Variants in ABCA9 observed in about 807,000 individuals in gnomAD.
The protein encoded by ABCA9 is ATP binding cassette subfamily A member 9, also known as ATP-binding cassette sub-family A member 9.
Under a neutral mutation model 205.3 loss-of-function variants are expected in ABCA9, and 183 were observed. The ratio of observed to expected loss-of-function variants is 0.89; its 90% confidence interval spans 0.79 to 1.01. ABCA9 has a LOEUF of 1.01. Among genes scored for constraint, ABCA9 ranks in the 50% least tolerant of loss-of-function variants. The pLI is 0.00. For missense variants in ABCA9, 1,805 were observed against 1,912.4 expected (o/e 0.94, Z 1.05); for synonymous variants, 651 against 683.3 (o/e 0.95, Z 0.74).
rs547391943 is a variant in ABCA9 at position 68,985,056 on chromosome 17, T to A, written c.4281A>T (p.Arg1427=). The A allele has an allele frequency of 1.7e-5, 27 of 1,614,208 alleles. No individual in the cohort carries two copies. In the South Asian group the frequency reaches 2.9e-4, roughly 17 times the overall value. ...PVKTLSEGIK[R]KLCFVLSILG... Reference sequence around the variant, plus strand: ...CAACAACAAGCCCTGCCCGTACCTTTCGCTTTATTCCCTCTGACAAGGTCT... The same window carrying A: ...CAACAACAAGCCCTGCCCGTACCTTACGCTTTATTCCCTCTGACAAGGTCT... Residue 1427 remains arginine (R), a synonymous_variant, in exon 33 of 39, where the codon CGA becomes CGT. Transcript: ENST00000340001.
At chr17:69,058,707 C>T (rs1046010455) in intron 1 of ABCA9, among the ~76,000 whole-genome samples, 4 of 151,976 alleles carry the variant, frequency 2.6e-5, no homozygotes, top group Admixed American at 2.0e-4. Flanking sequence ...GGTGTGGTGG[C>T]GAGTGCCCGT....
chr17:69,018,646 G>A (rs190130297), intron 19 of ABCA9, 67 bp from the exon 20 acceptor site: 4 of 1,183,182 alleles, frequency 3.4e-6, no homozygotes, highest in East Asian at 2.6e-5. Flanking sequence ...TAAGTTTGAA[G>A]GTATAATGAA....
At chr17:68,978,843 A>G (rs1379435568) in intron 37 of ABCA9, among the ~76,000 whole-genome samples, 1 of 152,182 alleles carries the variant, frequency 6.6e-6, no homozygotes, top group Non-Finnish European at 1.5e-5. Flanking sequence ...CTGAATGGGC[A>G]AAAACTGGAA....
At chr17:68,994,109 C>T (rs2069542492) in intron 26 of ABCA9, among the ~76,000 whole-genome samples, 1 of 152,184 alleles carries the variant, frequency 6.6e-6, no homozygotes, top group South Asian at 2.1e-4. Context: ...CTCCAGACCT[C>T]AGGTGATTCA....
intron 1 of ABCA9, among the ~76,000 whole-genome samples, chr17:69,052,777 G>A (rs1598416073): frequency 6.6e-6 from 1 of 152,302 alleles, no homozygotes; most frequent in African/African-American, 2.4e-5. Flanking sequence ...CACTTCAGAT[G>A]CCAGTCAGAA....
At chr17:69,039,007 G>T (rs553088677) in intron 6 of ABCA9, among the ~76,000 whole-genome samples, 3 of 151,876 alleles carry the variant, frequency 2.0e-5, no homozygotes, top group African/African-American at 4.8e-5. Flanking sequence ...AACTTACAAG[G>T]GATACTAAGG....
At chr17:69,052,702 C>T (rs1035667583) in intron 1 of ABCA9, among the ~76,000 whole-genome samples, 6 of 152,180 alleles carry the variant, frequency 3.9e-5, no homozygotes, top group Admixed American at 3.9e-4. Flanking sequence ...TCAATTCTGA[C>T]ACTGTCTACT....
Position 69,033,739 on chromosome 17 carries a change from G to A in ABCA9, c.1263C>T (p.Asp421=), listed in dbSNP as rs1405895757. The A allele has an allele frequency of 6.2e-7, 1 of 1,606,490 alleles. No individual in the cohort carries two copies. The highest frequency in any genetic ancestry group is 8.5e-7 in the Non-Finnish European group (1 of 1,177,176). The change falls in exon 9 of 39, where the codon GAC becomes GAT. Residue 421 remains aspartate, a synonymous_variant. Coordinates refer to ENST00000340001, the MANE Select transcript of ABCA9 (RefSeq NM_080283.4). ...GTTAGTACTTACCGGGCAAAATTTT[G>A]TCAAAATATAATGTCAATACCAAAT... is the stretch of plus-strand genomic sequence containing the variant. ...LLYLVLTLYF[D]KILPAEYGHR... is the part of the protein sequence containing the mutation.
At chr17:69,041,273 T>G (rs142144196) in intron 6 of ABCA9, among the ~76,000 whole-genome samples, 1 of 152,318 alleles carries the variant, frequency 6.6e-6, no homozygotes, top group African/African-American at 2.4e-5. Context: ...TTAGTTCCAC[T>G]TAAATGCTGT....
intron 25 of ABCA9, among the ~76,000 whole-genome samples, chr17:68,998,274 T>C (rs956185291): frequency 4.6e-5 from 7 of 152,244 alleles, no homozygotes; most frequent in Admixed American, 2.0e-4. Context: ...CCAACTAATA[T>C]TTTTCAGTAG....
At position 69,015,972 on chromosome 17, in the gene ABCA9, TG is replaced by T. The variant is rs1259202570; in HGVS notation, c.3039+280del. On this transcript the variant is annotated intron_variant, in intron 22 of 38. Transcript: ENST00000340001. The stretch of plus-strand genomic sequence containing the variant: ...ATATTGTGTGGTCAATTCTAAATTG[TG>T]TGTGTGTGTGTGTGTGTGTGTGTTA... 1.4e-3 allele frequency among the ~76,000 whole-genome samples: 23 copies of T among 16,426 alleles called. 1 individual carries two copies. Among genetic ancestry groups the T allele is most frequent in the Admixed American group, 7.2e-3 (15 of 2,088 alleles). 10.8% of individuals were successfully genotyped at this position (16,426 alleles called of 152,430 possible). A position where few individuals can be genotyped will look rare whatever the true frequency, so the allele number is the denominator to read the frequency against.
At chr17:68,977,744 T>C (rs983434293) in intron 37 of ABCA9, among the ~76,000 whole-genome samples, 27 of 152,358 alleles carry the variant, frequency 1.8e-4, no homozygotes, top group African/African-American at 6.5e-4. Flanking sequence ...CCTGAGAATG[T>C]AACAGTGTCC....
intron 36 of ABCA9, 78 bp from the exon 37 acceptor site, chr17:68,982,719 A>C: frequency 8.3e-7 from 1 of 1,208,446 alleles, no homozygotes; most frequent in Non-Finnish European, 1.2e-6. Flanking sequence ...AAAAAGGGAA[A>C]CAAGGCTAGG....
rs138296672 is a variant in ABCA9, at chr17:68,980,397, C to T, written c.4720+2165G>A. 4.2e-3 allele frequency among the ~76,000 whole-genome samples: 633 copies of T among 151,984 alleles called. 4 individuals carry two copies. Among genetic ancestry groups the T allele is most frequent in the Middle Eastern group, 0.027 (8 of 294 alleles). ...TGTGGTGATTCCTCAGTGATCTTGA[C>T]GTAGAAATACCATTTGACCCAGCAA... On this transcript the variant is annotated intron_variant, in intron 37 of 38. Coordinates refer to ENST00000340001, the MANE Select transcript of ABCA9 (RefSeq NM_080283.4).
chr17:68,985,952 A>G (rs1046058895), intron 32 of ABCA9, among the ~76,000 whole-genome samples: 6 of 150,786 alleles, frequency 4.0e-5, no homozygotes, highest in Admixed American at 3.9e-4. Flanking sequence ...AAGAAAAAAA[A>G]AGGAAAAAAG....
At chr17:69,028,825 A>C (rs935088135) in intron 11 of ABCA9, among the ~76,000 whole-genome samples, 180 bp from the exon 12 acceptor site, 3 of 152,208 alleles carry the variant, frequency 2.0e-5, no homozygotes, top group Admixed American at 6.5e-5. Context: ...AGTATTGTCA[A>C]TATGTTATTA....
chr17:69,050,343 A>AAC (rs58213498), intron 2 of ABCA9, among the ~76,000 whole-genome samples: 2,122 of 147,874 alleles, frequency 0.014, 19 homozygotes, highest in Non-Finnish European at 0.02. Flanking sequence ...CACACACACG[A>AAC]ACACACACAC....
At position 69,024,325 on chromosome 17, in the gene ABCA9, C is replaced by T; in HGVS notation, c.2170G>A (p.Glu724Lys). 1 of 1,601,714 alleles carries T rather than the reference C, an allele frequency of 6.2e-7. No individual in the cohort carries two copies. The highest frequency in any genetic ancestry group is 8.5e-7 in the Non-Finnish European group (1 of 1,175,154). ...TGCTTAACCAGTGATGTTATACTCTCTGGATCACACCTTTCATTCAGATGC... is the reference window on the plus strand; with the variant it reads ...TGCTTAACCAGTGATGTTATACTCTTTGGATCACACCTTTCATTCAGATGC... ...SLHLNERCDP[E>K]SITSLVKQHI... The change falls in exon 17 of 39, where the codon GAG becomes AAG. Residue 724 changes from glutamate (E) to lysine (K), a missense_variant. Physicochemically the swap from Glu to Lys is moderately conservative, Grantham distance 56 (BLOSUM62 1). Transcript: ENST00000340001.
chr17:68,980,750 A>C (rs1324449092), intron 37 of ABCA9, among the ~76,000 whole-genome samples: 4 of 114,096 alleles, frequency 3.5e-5, no homozygotes, highest in Non-Finnish European at 6.7e-5. Flanking sequence ...AACATCACAC[A>C]CCAAGGCCTG....
Sources: gnomAD v4.1 joint callset for allele counts (sites outside exome capture counted in the v4.1 genomes callset) on GRCh38, gnomAD v4.1.1 for gene constraint, MANE v1.5 for transcripts, NCBI Gene and HGNC (gene_info 2026-07-23, HGNC 2026-07-21) for gene names.